Variants in PNPO observed in about 807,000 individuals in gnomAD.
The protein encoded by PNPO is pyridoxine-5'-phosphate oxidase.
PNPO carries 39 observed loss-of-function variants against 35.0 expected under a neutral mutation model. The observed-to-expected ratio is 1.11, with a 90% CI of 0.86 to 1.45. PNPO has a LOEUF of 1.45. Among genes scored for constraint, PNPO ranks in the 40% most tolerant of loss-of-function variants. The pLI, the probability that PNPO is intolerant of heterozygous loss-of-function variation, is 0.00. For missense variants in PNPO, 288 were observed against 340.0 expected, an observed-to-expected ratio of 0.85 and a Z score of 1.20; for synonymous variants, 115 against 119.8, an observed-to-expected ratio of 0.96 and a Z score of 0.26.
rs764954658 is a variant in PNPO, at chr17:47,945,866, T to G, written c.423T>G (p.Arg141=). 6.2e-7 allele frequency: 1 copy of G among 1,613,574 alleles called. No individual in the cohort carries two copies. ...FYWEPLNRQV[R]VEGPVKKLPE... is the part of the protein sequence containing the mutation. ...CCAGAGCCATCCCTGAGCAGGTGCGTGTGGAAGGCCCTGTGAAGAAACTGC... is the reference window on the plus strand; with the variant it reads ...CCAGAGCCATCCCTGAGCAGGTGCGGGTGGAAGGCCCTGTGAAGAAACTGC... Residue 141 remains arginine (R), a synonymous_variant, in exon 5 of 7, where the codon CGT becomes CGG. Transcript: ENST00000642017. This position sits in a 1 kb window ranked among gnomAD's most constrained non-coding sequence, Gnocchi z 4.0.
rs535817362 is a variant in PNPO at position 47,942,478 on chromosome 17, A to G, written c.138+665A>G. ...TCTTTAGGTGGGTACAGTGACAAACAGCTTACAAACTGTTTGACAAAAAAG... is the reference window on the plus strand; with the variant it reads ...TCTTTAGGTGGGTACAGTGACAAACGGCTTACAAACTGTTTGACAAAAAAG... On this transcript the variant is annotated intron_variant, in intron 1 of 6. Coordinates refer to ENST00000642017, the MANE Select transcript of PNPO (RefSeq NM_018129.4). Among the ~76,000 whole-genome samples, 136 of 152,244 alleles carry G rather than the reference A, an allele frequency of 8.9e-4. 1 individual carries two copies. The highest frequency in any genetic ancestry group is 4.6e-3 in the South Asian group (22 of 4,824).
In PNPO at chr17:47,945,085, A is replaced by G. The variant is rs1185151580; in HGVS notation, c.363+370A>G. 7.7e-6 allele frequency: 3 copies of G among 389,660 alleles called. No individual in the cohort carries two copies. The highest frequency in any genetic ancestry group is 6.2e-5 in the African/African-American group (3 of 48,150). The allele number at this position is 389,660 out of a possible 1,614,324, so 24.1% of individuals were successfully genotyped here. On this transcript the variant is annotated intron_variant, in intron 3 of 6. Coordinates refer to ENST00000642017, the MANE Select transcript of PNPO (RefSeq NM_018129.4). This position sits in a 1 kb window ranked among gnomAD's most constrained non-coding sequence, Gnocchi z 4.0. ...TAACTGAGCATTTGTTTGGGTGATTATGTAACTGATATTTGTCTCCTCTGC... is the reference window on the plus strand; with the variant it reads ...TAACTGAGCATTTGTTTGGGTGATTGTGTAACTGATATTTGTCTCCTCTGC...
At position 47,944,652 on chromosome 17, in the gene PNPO, G is replaced by C. The variant is rs747628769; in HGVS notation, c.300G>C (p.Lys100Asn). Residue 100 changes from lysine (K) to asparagine (N), a missense_variant, in exon 3 of 7, where the codon AAG becomes AAC. Transcript: ENST00000642017. ...CCTCTGCTCGCATGTTGCTGCTGAA[G>C]GGCTTCGGGAAAGATGGCTTCCGCT... ...GKPSARMLLL[K>N]GFGKDGFRFF... The C allele has an allele frequency of 6.2e-7, 1 of 1,614,190 alleles. No individual in the cohort carries two copies. Among genetic ancestry groups the C allele is most frequent in the Non-Finnish European group, 8.5e-7 (1 of 1,180,020 alleles).
chr17:47,946,848 C>T lies in PNPO; in HGVS notation c.*66C>T, dbSNP rs1181621122. 1.4e-6 allele frequency: 2 copies of T among 1,480,892 alleles called. No homozygotes were observed. Among genetic ancestry groups the T allele is most frequent in the Non-Finnish European group, 1.9e-6 (2 of 1,065,096 alleles). The allele number at this position is 1,480,892 out of a possible 1,614,324, so 91.7% of individuals were successfully genotyped here. On this transcript the variant is annotated 3_prime_UTR_variant, in exon 7 of 7. Coordinates refer to ENST00000642017, the MANE Select transcript of PNPO (RefSeq NM_018129.4). ...GTCAAGAGAGGGTGTGGGATTGGGA[C>T]CCAGGCCCTTCTTTCTAAACTCAAC...
At position 47,946,056 on chromosome 17, in the gene PNPO, C is replaced by T. The variant is rs567949747; in HGVS notation, c.546+67C>T. On this transcript the variant is annotated intron_variant, in intron 5 of 6. Transcript: ENST00000642017. The stretch of plus-strand genomic sequence containing the variant: ...TTGGCTTATCCCCAGAAGCTGTCCC[C>T]AGGAGATGCCAGGAGATGTCCCCAG... 193 of 1,535,868 alleles carry T rather than the reference C, an allele frequency of 1.3e-4. 2 individuals are homozygous for T. The highest frequency in any genetic ancestry group is 1.7e-4 in the Non-Finnish European group (187 of 1,115,628).
At position 47,948,170 on chromosome 17, in the gene PNPO, G is replaced by A. The variant is rs1294157513; in HGVS notation, c.*1388G>A. ...GGGCTTCATGTGCTGGTACCAATAG[G>A]ACAGGAAGATTTTAATCAGCTTTAC... On this transcript the variant is annotated 3_prime_UTR_variant, in exon 7 of 7. Transcript: ENST00000642017. 4 of 152,236 alleles carry A rather than the reference G, an allele frequency of 2.6e-5. No individual in the cohort carries two copies. The highest frequency in any genetic ancestry group is 6.5e-5 in the Admixed American group (1 of 15,286). 9.4% of individuals were successfully genotyped at this position (152,236 alleles called of 1,614,324 possible).
Position 47,945,151 on chromosome 17 carries a change from A to C in PNPO, c.364-408A>C, listed in dbSNP as rs1598198767. ...GTAGGAGTGGAGGCTGCTCTGTTTT[A>C]TCTCTGCTGTATCCCCCGCACGTCT... On this transcript the variant is annotated intron_variant, in intron 3 of 6. Transcript: ENST00000642017. This position sits in a 1 kb window ranked among gnomAD's most constrained non-coding sequence, Gnocchi z 4.0. The C allele has an allele frequency of 2.6e-6, 1 of 377,754 alleles. No individual in the cohort carries two copies. Among genetic ancestry groups the C allele is most frequent in the Admixed American group, 3.9e-5 (1 of 25,814 alleles). 23.4% of individuals were successfully genotyped at this position (377,754 alleles called of 1,614,324 possible). A position where few individuals can be genotyped will look rare whatever the true frequency, so the allele number is the denominator to read the frequency against.
At chr17:47,944,736 A>G (rs754668792) in intron 3 of PNPO, 21 bp downstream of exon 3, 2 of 1,587,732 alleles carry the variant, frequency 1.3e-6, no homozygotes, top group Admixed American at 1.7e-5. Flanking sequence ...AGAGCTAGTA[A>G]TCTTTCCCAG....
intron 5 of PNPO, 100 bp downstream of exon 5, chr17:47,946,089 CCTCT>C: frequency 2.1e-6 from 3 of 1,450,888 alleles, no homozygotes; most frequent in Non-Finnish European, 2.9e-6. Flanking sequence ...CAGGAGATGT[CCTCT>C]CTCTCCAGCC....
rs1236771769 is a variant in PNPO, at chr17:47,945,080, T to G, written c.363+365T>G. ...GTTTGTAACTGAGCATTTGTTTGGG[T>G]GATTATGTAACTGATATTTGTCTCC... On this transcript the variant is annotated intron_variant, in intron 3 of 6. Coordinates refer to ENST00000642017, the MANE Select transcript of PNPO (RefSeq NM_018129.4). The surrounding 1 kb of genome is among the most constrained non-coding windows in gnomAD (Gnocchi z 4.0). 8 of 393,532 alleles carry G rather than the reference T, an allele frequency of 2.0e-5. No homozygotes were observed. Among genetic ancestry groups the G allele is most frequent in the Non-Finnish European group, 3.4e-5 (7 of 207,250 alleles). 24.4% of individuals were successfully genotyped at this position (393,532 alleles called of 1,614,324 possible).
chr17:47,942,361 C>T (rs1198509019), intron 1 of PNPO, among the ~76,000 whole-genome samples: 1 of 151,964 alleles, frequency 6.6e-6, no homozygotes, highest in East Asian at 1.9e-4. Flanking sequence ...GAGGAAACAG[C>T]CCCTCAGGGC....
rs919293532 is a variant in PNPO, at chr17:47,945,736, T to G, written c.417+124T>G. ...CCAGCTGGGCACTCTGCCTCTAAAATAGCCCTCAGTTAGTTGGAGCCAAGA... is the reference window on the plus strand; with the variant it reads ...CCAGCTGGGCACTCTGCCTCTAAAAGAGCCCTCAGTTAGTTGGAGCCAAGA... On this transcript the variant is annotated intron_variant, in intron 4 of 6. Transcript: ENST00000642017. The surrounding 1 kb of genome is among the most constrained non-coding windows in gnomAD (Gnocchi z 4.0). 10 of 1,461,538 alleles carry G rather than the reference T, an allele frequency of 6.8e-6. No homozygotes were observed. The African/African-American group carries it at 8.3e-5, about 12-fold the overall frequency. 90.5% of individuals were successfully genotyped at this position (1,461,538 alleles called of 1,614,324 possible).
intron 2 of PNPO, among the ~76,000 whole-genome samples, chr17:47,943,815 T>C (rs1048795094): frequency 6.6e-6 from 1 of 152,246 alleles, no homozygotes; most frequent in Non-Finnish European, 1.5e-5. Context: ...GACAATCATA[T>C]GCCCTTTGAG....
intron 1 of PNPO, among the ~76,000 whole-genome samples, chr17:47,942,831 T>C (rs1208093392): frequency 6.6e-6 from 1 of 151,854 alleles, no homozygotes; most frequent in African/African-American, 2.4e-5. Context: ...GAGGATGAGG[T>C]TGGAGGATTG....
At chr17:47,946,476 T>G (rs2036010610) in intron 6 of PNPO, 83 bp downstream of exon 6, 16 of 1,390,480 alleles carry the variant, frequency 1.2e-5, no homozygotes, top group Non-Finnish European at 1.5e-5. Context: ...GAATCACAGA[T>G]CTCCTCCTCC....
At chr17:47,944,313 C>A (rs997761352) in intron 2 of PNPO, among the ~76,000 whole-genome samples, 8 of 151,898 alleles carry the variant, frequency 5.3e-5, no homozygotes, top group African/African-American at 1.9e-4. Flanking sequence ...TAGGGCCCCA[C>A]CCCTATGACC....
At chr17:47,943,581 G>A in intron 2 of PNPO, 151 bp downstream of exon 2, 1 of 934,886 alleles carries the variant, frequency 1.1e-6, no homozygotes, top group Non-Finnish European at 1.6e-6. Context: ...CTCTGGGCCT[G>A]TGTCCTTACC....
At position 47,947,495 on chromosome 17, in the gene PNPO, G is replaced by C. The variant is rs908123917; in HGVS notation, c.*713G>C. 8 of 149,210 alleles carry C rather than the reference G, an allele frequency of 5.4e-5. No homozygotes were observed. The highest frequency in any genetic ancestry group is 5.3e-4 in the Admixed American group (8 of 15,008). 9.2% of individuals were successfully genotyped at this position (149,210 alleles called of 1,614,324 possible). On this transcript the variant is annotated 3_prime_UTR_variant, in exon 7 of 7. Transcript: ENST00000642017. ...ATTACAACTTAACTAACTCATTTAC[G>C]GATAGGACTTTTTTTTTTCTTTTTT...
rs766650337 is a variant in PNPO, at chr17:47,941,737, A to T, written c.62A>T (p.Tyr21Phe). 4.5e-6 allele frequency: 7 copies of T among 1,553,498 alleles called. No individual in the cohort carries two copies. The highest frequency in any genetic ancestry group is 6.1e-6 in the Non-Finnish European group (7 of 1,148,322). Residue 21 changes from tyrosine (Y) to phenylalanine (F), a missense_variant, in exon 1 of 7, where the codon TAC becomes TTC. Coordinates refer to ENST00000642017, the MANE Select transcript of PNPO (RefSeq NM_018129.4). ...GGGCGACCTGCCGAGTGGCCAGGCT[A>T]CCTCAGTCACCTGTGTGGTCGCAGT... is the stretch of plus-strand genomic sequence containing the variant. ...TFGRPAEWPG[Y>F]LSHLCGRSAA...
Sources: allele counts gnomAD v4.1 joint callset (sites outside exome capture counted in the v4.1 genomes callset), GRCh38; gene constraint gnomAD v4.1.1; non-coding constraint Gnocchi (gnomAD v3.1); transcripts MANE v1.5; gene names NCBI Gene and HGNC (gene_info 2026-07-23, HGNC 2026-07-21).